Variants in DMD observed in about 807,000 individuals in gnomAD.
DMD encodes the protein dystrophin.
In DMD, 63 loss-of-function variants were observed where a neutral mutation model predicts 330.1. The observed-to-expected ratio is 0.19, with a 90% CI of 0.16 to 0.24. The LOEUF is 0.24. Among genes scored for constraint, DMD ranks in the 10% least tolerant of loss-of-function variants. The pLI, the probability that DMD is intolerant of heterozygous loss-of-function variation, is 1.00. For synonymous variants in DMD, 1,223 were observed against 959.8 expected (o/e 1.27, Z -5.07); for missense variants, 3,344 against 2,684.1 (o/e 1.25, Z -5.43).
intron 44 of DMD, among the ~76,000 whole-genome samples, chrX:32,075,194 T>A (rs2096334099): frequency 8.9e-6 from 1 of 112,030 alleles, no homozygotes; most frequent in Admixed American, 9.5e-5. Context: ...TAATGGTAAG[T>A]AAATATGTAT....
intron 7 of DMD, among the ~76,000 whole-genome samples, chrX:32,799,167 G>A (rs780948718): frequency 9.0e-6 from 1 of 111,139 alleles, no homozygotes; most frequent in South Asian, 3.7e-4. Context: ...GCTAATTCTT[G>A]GAAAAGAAGG....
chrX:32,711,170 G>A (rs1156717114), intron 7 of DMD, among the ~76,000 whole-genome samples: 1 of 111,132 alleles, frequency 9.0e-6, no homozygotes, highest in East Asian at 2.8e-4. Flanking sequence ...TTTTCTCAGT[G>A]GCTGGATGAG....
chrX:31,352,561 T>G (rs2058485100), intron 60 of DMD, among the ~76,000 whole-genome samples: 1 of 112,039 alleles, frequency 8.9e-6, no homozygotes. Flanking sequence ...TGAAGAATTT[T>G]GCCTTCTTAT....
chrX:32,773,166 T>C (rs927164208), intron 7 of DMD, among the ~76,000 whole-genome samples: 1 of 112,358 alleles, frequency 8.9e-6, no homozygotes, highest in Non-Finnish European at 1.9e-5. Flanking sequence ...GGTGTTTCTA[T>C]GGTATTCATT....
At chrX:33,147,185 C>T (rs764209304) in intron 1 of DMD, among the ~76,000 whole-genome samples, 10 of 111,662 alleles carry the variant, frequency 9.0e-5, no homozygotes, top group Non-Finnish European at 1.9e-4. Flanking sequence ...TGGATATCTA[C>T]TGTGAAATAC....
intron 17 of DMD, among the ~76,000 whole-genome samples, chrX:32,544,609 T>C (rs1339455472): frequency 1.8e-5 from 2 of 111,128 alleles, no homozygotes; most frequent in Non-Finnish European, 3.8e-5. Flanking sequence ...AAAAGATCAG[T>C]TAAAAATTCT....
chrX:31,791,863 C>T (rs934746470), intron 50 of DMD, among the ~76,000 whole-genome samples: 2 of 111,671 alleles, frequency 1.8e-5, no homozygotes, highest in African/African-American at 6.5e-5. Context: ...TTATTATTTG[C>T]TATCTCAATT....
chrX:31,959,137 G>A (rs184840013), intron 45 of DMD, among the ~76,000 whole-genome samples: 15 of 111,580 alleles, frequency 1.3e-4, no homozygotes, highest in African/African-American at 4.9e-4. Context: ...CTTACTCATT[G>A]TCTCTAACTT....
intron 12 of DMD, among the ~76,000 whole-genome samples, chrX:32,604,283 G>C (rs770908789): frequency 9.1e-6 from 1 of 110,241 alleles, no homozygotes; most frequent in African/African-American, 3.3e-5. Flanking sequence ...CACATAAAAA[G>C]AATTAAAAAC....
intron 9 of DMD, among the ~76,000 whole-genome samples, chrX:32,669,342 T>C (rs1167112562): frequency 8.9e-6 from 1 of 111,801 alleles, no homozygotes; most frequent in Non-Finnish European, 1.9e-5. Flanking sequence ...TGCAGCACTG[T>C]TTAACATAAC....
intron 7 of DMD, among the ~76,000 whole-genome samples, chrX:32,721,110 G>A (rs1294883592): frequency 1.8e-5 from 2 of 110,707 alleles, no homozygotes; most frequent in African/African-American, 6.6e-5. Flanking sequence ...ATCTGTCAGT[G>A]GACACTCAGG....
intron 1 of DMD, among the ~76,000 whole-genome samples, chrX:33,326,412 G>A (rs1476270634): frequency 1.8e-5 from 2 of 111,966 alleles, no homozygotes; most frequent in Non-Finnish European, 3.8e-5. Context: ...AAGTAAAGAA[G>A]AGGCACTAGC....
intron 1 of DMD, among the ~76,000 whole-genome samples, chrX:33,185,764 C>A (rs1278461705): frequency 8.9e-6 from 1 of 111,850 alleles, no homozygotes; most frequent in Non-Finnish European, 1.9e-5. Flanking sequence ...TTACCATCAT[C>A]TCACCAGTTC....
intron 10 of DMD, 116 bp downstream of exon 10, chrX:32,644,848 T>C (rs1016764765): frequency 2.2e-6 from 2 of 894,601 alleles, no homozygotes; most frequent in South Asian, 2.1e-5. Flanking sequence ...CCCAAGCACA[T>C]CATAGTAACT....
chrX:31,887,571 C>T (rs762333819), intron 47 of DMD, among the ~76,000 whole-genome samples: 2 of 112,061 alleles, frequency 1.8e-5, no homozygotes, highest in South Asian at 7.4e-4. Context: ...ACATATAAAA[C>T]TCTTCCCAAT....
intron 44 of DMD, among the ~76,000 whole-genome samples, chrX:32,036,281 T>C (rs150353664): frequency 1.8e-5 from 2 of 110,977 alleles, no homozygotes; most frequent in African/African-American, 3.3e-5. Context: ...TAGAAATAGA[T>C]TGGAGAGGAG....
At chrX:32,143,725 AT>A (rs1486075682) in intron 44 of DMD, among the ~76,000 whole-genome samples, 8 of 99,423 alleles carry the variant, frequency 8.0e-5, no homozygotes, top group African/African-American at 2.6e-4. Flanking sequence ...TTTTTTTTGT[AT>A]TTTTTAGTAG....
At chrX:31,140,280 TC>T (rs2035877041) in intron 76 of DMD, among the ~76,000 whole-genome samples, 1 of 112,717 alleles carries the variant, frequency 8.9e-6, no homozygotes, top group Non-Finnish European at 1.9e-5. Flanking sequence ...CAAGAATTAC[TC>T]CTGTGTTTTT....
chrX:33,128,473 G>A lies in DMD; in HGVS notation c.31+82809C>T, dbSNP rs930275992. ...CACAGCAATGGTTTCTTCCCTCACC[G>A]GCTCAATCTACCTGATTACGTTCCC... On this transcript the variant is annotated intron_variant, in intron 1 of 78. Coordinates refer to ENST00000357033, the MANE Select transcript of DMD (RefSeq NM_004006.3). 6 of 907,665 alleles carry A rather than the reference G, an allele frequency of 6.6e-6. No homozygotes were observed. In the Middle Eastern group the frequency reaches 1.5e-3, roughly 229 times the overall value. The allele number at this position is 907,665 out of a possible 1,213,427, so 74.8% of individuals were successfully genotyped here. A position where few individuals can be genotyped will look rare whatever the true frequency, so the allele number is the denominator to read the frequency against.
Sources: gnomAD v4.1 joint callset for allele counts (sites outside exome capture counted in the v4.1 genomes callset) on GRCh38, gnomAD v4.1.1 for gene constraint, MANE v1.5 for transcripts, NCBI Gene and HGNC (gene_info 2026-07-23, HGNC 2026-07-21) for gene names.